The following SLC16A3 variants were observed in gnomAD, a reference collection of about 807,000 sequenced individuals.
The protein encoded by SLC16A3 is monocarboxylate transporter 4.
SLC16A3 carries 22 observed loss-of-function variants against 25.0 expected under a neutral mutation model. The ratio of observed to expected loss-of-function variants is 0.88; its 90% CI spans 0.63 to 1.26. The LOEUF (loss-of-function observed/expected upper bound fraction) is 1.26, where lower values mean the gene tolerates loss of function less well. Ranked by LOEUF, SLC16A3 falls within the 50% of genes most tolerant of loss-of-function variation. The pLI, the probability that SLC16A3 is intolerant of heterozygous loss-of-function variation, is 0.00. For synonymous variants in SLC16A3, 390 were observed against 309.2 expected (o/e 1.26, Z -2.74); for missense variants, 731 against 666.6 (o/e 1.10, Z -1.06).
intron 1 of SLC16A3, 82 bp downstream of exon 1, chr17:82,229,188 G>A (rs1191177085): frequency 6.6e-6 from 1 of 151,534 alleles, no homozygotes; most frequent in Non-Finnish European, 1.5e-5. Flanking sequence ...CTCGGGGTCC[G>A]CGCTCTCACC....
chr17:82,236,130 C>T lies in SLC16A3; in HGVS notation c.122C>T (p.Ala41Val). The T allele has an allele frequency of 6.2e-7, 1 of 1,613,280 alleles. No individual in the cohort carries two copies. The highest frequency in any genetic ancestry group is 8.5e-7 in the Non-Finnish European group (1 of 1,179,980). Reference sequence around the variant, plus strand: ...GGCTTCTCCTACGCCTTCCCCAAGGCCGTCAGTGTCTTCTTCAAGGAGCTC... The same window carrying T: ...GGCTTCTCCTACGCCTTCCCCAAGGTCGTCAGTGTCTTCTTCAAGGAGCTC... ...ITGFSYAFPK[A>V]VSVFFKELIQ... The change falls in exon 2 of 5, where the codon GCC becomes GTC. Residue 41 changes from alanine to valine, a missense_variant. Physicochemically the swap from Ala to Val is moderately conservative, Grantham distance 64. Transcript: ENST00000582743.
Position 82,239,161 on chromosome 17 carries a change from GA to G in SLC16A3, c.*186del. ...GCGGGGTGGGAACCGTGTCATTCCA[GA>G]GTGGATCTGCGGTGAAGCCAAGCCG... On this transcript the variant is annotated 3_prime_UTR_variant, in exon 5 of 5. Transcript: ENST00000582743. 1 of 576,824 alleles carries G rather than the reference GA, an allele frequency of 1.7e-6. No homozygotes were observed. The highest frequency in any genetic ancestry group is 2.9e-6 in the Non-Finnish European group (1 of 349,802). 35.7% of individuals were successfully genotyped at this position (576,824 alleles called of 1,614,324 possible).
intron 2 of SLC16A3, 135 bp from the exon 3 acceptor site, chr17:82,236,593 AC>A (rs2050608130): frequency 1.5e-6 from 2 of 1,312,516 alleles, no homozygotes; most frequent in Non-Finnish European, 1.0e-6. Flanking sequence ...GAGCCTGCCC[AC>A]GGGGTGCCCC....
In SLC16A3 at chr17:82,236,913, G is replaced by A. The variant is rs1370947711; in HGVS notation, c.367+41G>A. 2.5e-6 allele frequency: 4 copies of A among 1,596,670 alleles called. No homozygotes were observed. The African/African-American group carries it at 4.0e-5, about 16-fold the overall frequency. ...CGGTGGGCCGCACGTGCCAGGAGGG[G>A]CAGGGGCCGTGCACTTCTGCTCCTG... On this transcript the variant is annotated intron_variant, in intron 3 of 4. Coordinates refer to ENST00000582743, the MANE Select transcript of SLC16A3 (RefSeq NM_004207.4).
At chr17:82,221,885 C>T (rs1272285861) in intron 1 of SLC16A3, among the ~76,000 whole-genome samples, 5 of 152,168 alleles carry the variant, frequency 3.3e-5, no homozygotes, top group African/African-American at 1.2e-4. Context: ...ACAAACACCT[C>T]CCAGAAAACC....
intron 1 of SLC16A3, among the ~76,000 whole-genome samples, chr17:82,233,137 C>T (rs950504665): frequency 3.9e-5 from 6 of 152,184 alleles, no homozygotes; most frequent in Non-Finnish European, 8.8e-5. Context: ...CCGTACTCTA[C>T]CTCCTGTGGA....
upstream of SLC16A3, among the ~76,000 whole-genome samples, chr17:82,227,262 T>C (rs2050428846): frequency 6.6e-6 from 1 of 151,944 alleles, no homozygotes; most frequent in Admixed American, 6.5e-5. Context: ...GAGGGGGCAG[T>C]GAGGTCCCAG....
chr17:82,218,433 G>A (rs916813094), intron 1 of SLC16A3, among the ~76,000 whole-genome samples: 3 of 149,030 alleles, frequency 2.0e-5, no homozygotes, highest in Non-Finnish European at 4.5e-5. Context: ...GGGGTGGACG[G>A]CCAAGGGGAG....
rs1397402188 is a variant in SLC16A3 at position 82,237,731 on chromosome 17, C to G, written c.961C>G (p.Leu321Val). The change falls in exon 4 of 5, where the codon CTC becomes GTC. Residue 321 changes from leucine (L) to valine (V), a missense_variant. Coordinates refer to ENST00000582743, the MANE Select transcript of SLC16A3 (RefSeq NM_004207.4). Reference protein sequence around the residue: ...AGSTAGDYGGLVVFCIFFGIS... With the variant: ...AGSTAGDYGGVVVFCIFFGIS... ...TTCTACGGCGGGCGACTACGGCGGC[C>G]TCGTGGTCTTCTGCATCTTCTTTGG... 6.2e-7 allele frequency: 1 copy of G among 1,612,152 alleles called. No individual in the cohort carries two copies. Among genetic ancestry groups the G allele is most frequent in the Non-Finnish European group, 8.5e-7 (1 of 1,179,942 alleles).
intron 2 of SLC16A3, 195 bp from the exon 3 acceptor site, chr17:82,236,534 A>T: frequency 1.4e-6 from 1 of 723,466 alleles, no homozygotes; most frequent in Non-Finnish European, 2.2e-6. Flanking sequence ...GCAGGGACCC[A>T]AGGGGCCCAG....
chr17:82,235,338 A>T (rs752508725), intron 1 of SLC16A3: 2 of 152,872 alleles, frequency 1.3e-5, no homozygotes, highest in Non-Finnish European at 2.9e-5. Context: ...CACCCCACCC[A>T]CTCTAATACT....
chr17:82,236,171 A>G lies in SLC16A3; in HGVS notation c.163A>G (p.Ile55Val), dbSNP rs1455832500. The change falls in exon 2 of 5, where the codon ATC (isoleucine) becomes GTC (valine). Residue 55 changes from isoleucine (I) to valine (V), a missense_variant. Physicochemically the swap from Ile to Val is conservative, Grantham distance 29. Coordinates refer to ENST00000582743, the MANE Select transcript of SLC16A3 (RefSeq NM_004207.4). ...FFKELIQEFG[I>V]GYSDTAWISS... ...CAAGGAGCTCATACAGGAGTTTGGG[A>G]TCGGCTACAGCGACACAGCCTGGAT... is the stretch of plus-strand genomic sequence containing the variant. 2.5e-6 allele frequency: 4 copies of G among 1,612,980 alleles called. No individual in the cohort carries two copies. In the East Asian group the frequency reaches 6.7e-5, roughly 27 times the overall value.
At chr17:82,237,034 C>G (rs2050620273) in intron 3 of SLC16A3, 104 bp from the exon 4 acceptor site, 1 of 1,456,936 alleles carries the variant, frequency 6.9e-7, no homozygotes, top group Non-Finnish European at 9.2e-7. Flanking sequence ...GGCAGGGGCT[C>G]TGCACCCTGG....
At chr17:82,228,478 C>G (rs1441441785), upstream of SLC16A3, 1 of 152,442 alleles carries the variant, frequency 6.6e-6, no homozygotes, top group African/African-American at 2.4e-5. Context: ...GCGGGCCGCT[C>G]CCCTAGCCAG....
At position 82,239,990 on chromosome 17, in the gene SLC16A3, G is replaced by T. The variant is rs769573174; in HGVS notation, c.*1014G>T. On this transcript the variant is annotated 3_prime_UTR_variant, in exon 5 of 5. Transcript: ENST00000582743. ...CGCCGGGGCCCTCAGTAGGTGCGTC[G>T]TGGGCGCTGGGGACGGCAGCGGGTG... The T allele has an allele frequency of 7.3e-6, 9 of 1,233,694 alleles. No homozygotes were observed. Among genetic ancestry groups the T allele is most frequent in the Non-Finnish European group, 9.1e-6 (9 of 987,810 alleles). 76.4% of individuals were successfully genotyped at this position (1,233,694 alleles called of 1,614,324 possible). A position where few individuals can be genotyped will look rare whatever the true frequency, so the allele number is the denominator to read the frequency against.
chr17:82,235,820 C>T, intron 1 of SLC16A3, 163 bp from the exon 2 acceptor site: 1 of 608,576 alleles, frequency 1.6e-6, no homozygotes, highest in Non-Finnish European at 2.9e-6. Context: ...CCTCCAAACC[C>T]TCCTGCCTCC....
intron 4 of SLC16A3, 43 bp downstream of exon 4, chr17:82,237,936 CCGTCAGA>C: frequency 6.3e-7 from 1 of 1,576,232 alleles, no homozygotes; most frequent in Non-Finnish European, 8.6e-7. Flanking sequence ...CCTGCCCTTC[CCGTCAGA>C]CGCCCGCTTT....
chr17:82,229,370 C>T (rs1479159011), intron 1 of SLC16A3: 1 of 152,174 alleles, frequency 6.6e-6, no homozygotes, highest in Non-Finnish European at 1.5e-5. Flanking sequence ...GGCGCCCACC[C>T]GTCGGGCTGC....
rs2050721065 is a variant in SLC16A3 at position 82,240,076 on chromosome 17, C to A, written c.*1100C>A. 4 of 1,233,742 alleles carry A rather than the reference C, an allele frequency of 3.2e-6. No individual in the cohort carries two copies. The highest frequency in any genetic ancestry group is 4.0e-6 in the Non-Finnish European group (4 of 987,848). The allele number at this position is 1,233,742 out of a possible 1,614,324, so 76.4% of individuals were successfully genotyped here. A position where few individuals can be genotyped will look rare whatever the true frequency, so the allele number is the denominator to read the frequency against. On this transcript the variant is annotated 3_prime_UTR_variant, in exon 5 of 5. Transcript: ENST00000582743. ...GTCCCTGCTCCTCTGCAATGAAAAG[C>A]AAGCGAAAAGTGCACATCTCAGGTC...
Sources: allele counts gnomAD v4.1 joint callset (sites outside exome capture counted in the v4.1 genomes callset), GRCh38; gene constraint gnomAD v4.1.1; transcripts MANE v1.5; gene names NCBI Gene and HGNC (gene_info 2026-07-23, HGNC 2026-07-21).